Variants in DMD observed in about 807,000 individuals in gnomAD.
DMD encodes mutant dystrophin.
A neutral mutation model predicts 330.1 loss-of-function variants in DMD; 63 were observed. The observed-to-expected ratio is 0.19, with a 90% confidence interval of 0.16 to 0.24. The LOEUF (loss-of-function observed/expected upper bound fraction) is 0.24, where lower values mean the gene tolerates loss of function less well. Among genes scored for constraint, DMD ranks in the 10% least tolerant of loss-of-function variants. DMD has a pLI of 1.00. For missense variants in DMD, 3,344 were observed against 2,684.1 expected, an observed-to-expected ratio of 1.25 and a Z score of -5.43; for synonymous variants, 1,223 against 959.8, an observed-to-expected ratio of 1.27 and a Z score of -5.07.
intron 1 of DMD, among the ~76,000 whole-genome samples, chrX:33,315,803 C>T (rs1331043753): frequency 9.0e-6 from 1 of 111,527 alleles, no homozygotes; most frequent in Non-Finnish European, 1.9e-5. Flanking sequence ...AAGATTAGAA[C>T]ATGTATGTCT....
intron 44 of DMD, among the ~76,000 whole-genome samples, chrX:32,118,566 A>C (rs991442074): frequency 5.4e-5 from 6 of 111,060 alleles, no homozygotes; most frequent in African/African-American, 2.0e-4. Flanking sequence ...CTGGGAACTT[A>C]TTAGAAAAGT....
chrX:31,228,250 G>C (rs1161809777), intron 63 of DMD, among the ~76,000 whole-genome samples: 2 of 74,296 alleles, frequency 2.7e-5, no homozygotes, highest in Non-Finnish European at 5.0e-5. Flanking sequence ...AAAACTTAAA[G>C]TATAATAAAA....
intron 18 of DMD, among the ~76,000 whole-genome samples, chrX:32,511,071 T>A (rs761865330): frequency 9.1e-6 from 1 of 110,003 alleles, no homozygotes; most frequent in African/African-American, 3.3e-5. Flanking sequence ...ATCTGAATAC[T>A]CTTCAACCAC....
chrX:32,187,551 G>A (rs1240291015), intron 44 of DMD, among the ~76,000 whole-genome samples: 1 of 111,400 alleles, frequency 9.0e-6, no homozygotes, highest in Non-Finnish European at 1.9e-5. Flanking sequence ...CCAGAACACT[G>A]TTCTCAGAAG....
At chrX:32,835,980 T>A (rs888438911) in intron 4 of DMD, among the ~76,000 whole-genome samples, 1 of 111,075 alleles carries the variant, frequency 9.0e-6, no homozygotes, top group Non-Finnish European at 1.9e-5. Context: ...TGATTTTCTA[T>A]TAGCAATTAT....
chrX:32,283,370 A>G (rs2097427821), intron 43 of DMD, among the ~76,000 whole-genome samples: 1 of 111,742 alleles, frequency 8.9e-6, no homozygotes, highest in African/African-American at 3.3e-5. Context: ...AAAAATACCA[A>G]TATAGCCCTT....
At chrX:33,172,635 A>T (rs770945881) in intron 1 of DMD, among the ~76,000 whole-genome samples, 1 of 111,999 alleles carries the variant, frequency 8.9e-6, no homozygotes, top group African/African-American at 3.2e-5. Context: ...TCGATGAAAC[A>T]AACACTATTG....
chrX:32,621,680 G>A (rs775663169), intron 11 of DMD, among the ~76,000 whole-genome samples: 21 of 110,231 alleles, frequency 1.9e-4, no homozygotes, highest in African/African-American at 5.3e-4. Flanking sequence ...GATTTTTGGG[G>A]TAGGGACCAG....
intron 11 of DMD, among the ~76,000 whole-genome samples, chrX:32,641,980 T>G (rs1055672050): frequency 8.9e-6 from 1 of 111,880 alleles, no homozygotes; most frequent in African/African-American, 3.3e-5. Context: ...ATAATTTATT[T>G]GAAGCATTAA....
At chrX:32,111,602 C>T (rs1321970234) in intron 44 of DMD, among the ~76,000 whole-genome samples, 1 of 111,537 alleles carries the variant, frequency 9.0e-6, no homozygotes, top group African/African-American at 3.3e-5. Flanking sequence ...TCTATATTCT[C>T]CTTAGGATAA....
intron 6 of DMD, among the ~76,000 whole-genome samples, chrX:32,812,366 C>A (rs1042789441): frequency 4.4e-5 from 5 of 112,448 alleles, no homozygotes; most frequent in Non-Finnish European, 9.4e-5. Flanking sequence ...GGCGCAGTGG[C>A]TCCCGCCTAT....
intron 52 of DMD, among the ~76,000 whole-genome samples, chrX:31,715,225 G>C (rs1448601745): frequency 2.9e-5 from 3 of 104,979 alleles, no homozygotes; most frequent in Non-Finnish European, 3.9e-5. Flanking sequence ...GTTGGTGGGG[G>C]GGGAGCTGCG....
intron 20 of DMD, among the ~76,000 whole-genome samples, chrX:32,488,614 G>A (rs1024962409): frequency 3.6e-5 from 4 of 111,682 alleles, no homozygotes; most frequent in Admixed American, 2.9e-4. Context: ...AGACACCAAT[G>A]GGTCTGAGAG....
intron 1 of DMD, among the ~76,000 whole-genome samples, chrX:33,087,093 T>G (rs1176268924): frequency 9.0e-6 from 1 of 111,386 alleles, no homozygotes; most frequent in Non-Finnish European, 1.9e-5. Context: ...ACAGGCCAAT[T>G]CCCCTCCTCT....
chrX:31,679,343 T>A (rs781321455), intron 53 of DMD, 32 bp downstream of exon 53: 1 of 1,083,497 alleles, frequency 9.2e-7, no homozygotes, highest in African/African-American at 1.8e-5. Context: ...GTAACCAGTA[T>A]TTTATTTTAA....
In DMD at chrX:32,749,308, A is replaced by G. The variant is rs16990618; in HGVS notation, c.650-50015T>C. 3.7e-3 allele frequency among the ~76,000 whole-genome samples: 411 copies of G among 112,155 alleles called. 3 individuals carry two copies. Among genetic ancestry groups the G allele is most frequent in the African/African-American group, 0.012 (376 of 30,926 alleles). ...AATTTGGCAGGAATCCAATACAACA[A>G]ATGAGTCATTTCATTAAATACAATT... On this transcript the variant is annotated intron_variant, in intron 7 of 78. Transcript: ENST00000357033.
At chrX:32,211,319 G>A (rs1173067306) in intron 44 of DMD, among the ~76,000 whole-genome samples, 1 of 112,309 alleles carries the variant, frequency 8.9e-6, no homozygotes, top group Admixed American at 9.4e-5. Context: ...GTGGGACCAT[G>A]TGAACATTAA....
chrX:32,696,956 T>C (rs1001498849), intron 9 of DMD, among the ~76,000 whole-genome samples: 1 of 111,309 alleles, frequency 9.0e-6, no homozygotes, highest in Non-Finnish European at 1.9e-5. Flanking sequence ...ACTAATTAAA[T>C]GCACACCACT....
chrX:32,310,037 G>C (rs186283184), intron 42 of DMD, 45 bp downstream of exon 42: 79 of 1,099,140 alleles, frequency 7.2e-5, no homozygotes, highest in Non-Finnish European at 9.3e-5. Context: ...TGAATGATCA[G>C]TATGATCACC....
Sources: allele counts gnomAD v4.1 joint callset (sites outside exome capture counted in the v4.1 genomes callset), GRCh38; gene constraint gnomAD v4.1.1; transcripts MANE v1.5; gene names NCBI Gene and HGNC (gene_info 2026-07-23, HGNC 2026-07-21).